FMN1: variants seen among roughly 807,000 people sequenced by gnomAD.
FMN1 encodes formin 1.
Under a neutral mutation model 132.4 loss-of-function variants are expected in FMN1, and 110 were observed. That is an observed-to-expected ratio of 0.83 (90% confidence interval 0.71 to 0.97). The LOEUF (loss-of-function observed/expected upper bound fraction) is 0.97. Ranked by LOEUF, FMN1 falls within the 50% of genes least tolerant of loss-of-function variation. The probability of loss-of-function intolerance (pLI) is 0.00; values close to 1 mark genes in which losing one functional copy is unlikely to be tolerated. For missense variants in FMN1, 1,792 were observed against 1,705.3 expected (o/e 1.05, Z -0.90); for synonymous variants, 722 against 651.7 (o/e 1.11, Z -1.64).
At chr15:33,160,937 C>T (rs948704043) in intron 3 of FMN1, among the ~76,000 whole-genome samples, 3 of 152,206 alleles carry the variant, frequency 2.0e-5, no homozygotes, top group African/African-American at 4.8e-5. Context: ...CTGCCTCATC[C>T]TAATGAGAAA....
At chr15:33,014,512 TA>T (rs1361225370) in intron 6 of FMN1, among the ~76,000 whole-genome samples, 4 of 152,180 alleles carry the variant, frequency 2.6e-5, no homozygotes, top group African/African-American at 9.7e-5. Flanking sequence ...TGGAAGTTAA[TA>T]AATCAATTTA....
At chr15:33,118,841 G>A (rs114256752) in intron 4 of FMN1, among the ~76,000 whole-genome samples, 132 of 149,968 alleles carry the variant, frequency 8.8e-4, no homozygotes, top group African/African-American at 3.2e-3. Context: ...ACAATTTCTA[G>A]TCACATTCAT....
At chr15:33,015,284 T>G (rs139454786) in intron 6 of FMN1, among the ~76,000 whole-genome samples, 88 of 152,262 alleles carry the variant, frequency 5.8e-4, no homozygotes, top group African/African-American at 2.1e-3. Context: ...TGGGGTAACT[T>G]TTTTCATAAT....
At chr15:32,975,778 T>G (rs918917992) in intron 7 of FMN1, among the ~76,000 whole-genome samples, 1 of 152,184 alleles carries the variant, frequency 6.6e-6, no homozygotes, top group Non-Finnish European at 1.5e-5. Context: ...CCGGTAGAAA[T>G]GAACCACATT....
At chr15:32,792,232 G>A (rs1348641007) in intron 19 of FMN1, among the ~76,000 whole-genome samples, 8 of 143,430 alleles carry the variant, frequency 5.6e-5, no homozygotes, top group African/African-American at 1.8e-4. Flanking sequence ...GAGGTCAGGA[G>A]ATTGAGACCA....
chr15:32,908,763 T>G (rs559210251), intron 11 of FMN1, among the ~76,000 whole-genome samples, 185 bp from the exon 12 acceptor site: 14 of 151,532 alleles, frequency 9.2e-5, no homozygotes, highest in South Asian at 2.1e-4. Context: ...ACTTGGGGTG[T>G]GGGTGGGGGT....
At chr15:32,854,202 T>C (rs1196432980) in intron 17 of FMN1, among the ~76,000 whole-genome samples, 3 of 152,240 alleles carry the variant, frequency 2.0e-5, no homozygotes. Flanking sequence ...ACATGTTTTT[T>C]CTGCTGAGTT....
intron 17 of FMN1, among the ~76,000 whole-genome samples, chr15:32,828,459 T>C (rs1434136491): frequency 6.6e-6 from 1 of 152,138 alleles, no homozygotes; most frequent in Non-Finnish European, 1.5e-5. Context: ...TCCAAATTAA[T>C]GGAGCTAATT....
chr15:32,957,192 C>T (rs553259106), intron 9 of FMN1, among the ~76,000 whole-genome samples: 3 of 151,152 alleles, frequency 2.0e-5, no homozygotes, highest in Non-Finnish European at 4.4e-5. Flanking sequence ...ATAATTTAGT[C>T]AGATCATGGC....
chr15:33,127,417 C>G (rs1291123179), intron 4 of FMN1, among the ~76,000 whole-genome samples: 1 of 152,204 alleles, frequency 6.6e-6, no homozygotes, highest in East Asian at 1.9e-4. Context: ...ACCAGAACAA[C>G]TATTTCCTTG....
chr15:32,788,099 A>G (rs2140926762), intron 19 of FMN1, among the ~76,000 whole-genome samples: 1 of 152,334 alleles, frequency 6.6e-6, no homozygotes, highest in Middle Eastern at 3.4e-3. Context: ...ATTGCAGAAC[A>G]AAGTCCTCTT....
chr15:32,992,216 C>A (rs547083453), intron 7 of FMN1, among the ~76,000 whole-genome samples: 1 of 152,266 alleles, frequency 6.6e-6, no homozygotes, highest in Non-Finnish European at 1.5e-5. Flanking sequence ...AGTTTCAAGA[C>A]TGAGCCACTT....
intron 9 of FMN1, among the ~76,000 whole-genome samples, chr15:32,961,332 C>T (rs191597029): frequency 2.9e-4 from 44 of 151,988 alleles, no homozygotes; most frequent in South Asian, 4.2e-4. Context: ...CGGGGTTTCC[C>T]GAAATTGGCC....
intron 6 of FMN1, among the ~76,000 whole-genome samples, chr15:33,040,443 A>G (rs2036379252): frequency 6.6e-6 from 1 of 152,238 alleles, no homozygotes; most frequent in African/African-American, 2.4e-5. Flanking sequence ...AAAACCATTA[A>G]GTGCTTGATT....
intron 15 of FMN1, among the ~76,000 whole-genome samples, chr15:32,898,022 ATAGT>A (rs916636248): frequency 7.2e-5 from 11 of 152,178 alleles, no homozygotes; most frequent in African/African-American, 1.2e-4. Flanking sequence ...TATATTGAAA[ATAGT>A]TAGATAAGCC....
At chr15:32,852,803 C>G (rs780192039) in intron 17 of FMN1, among the ~76,000 whole-genome samples, 4 of 152,192 alleles carry the variant, frequency 2.6e-5, no homozygotes, top group Non-Finnish European at 5.9e-5. Flanking sequence ...TCATGTCACT[C>G]CTGTACACAT....
chr15:33,105,587 A>G (rs1053182756), intron 4 of FMN1, among the ~76,000 whole-genome samples: 15 of 152,146 alleles, frequency 9.9e-5, no homozygotes, highest in Admixed American at 5.9e-4. Flanking sequence ...TTTACAGACT[A>G]TATGGCTTTG....
At chr15:32,941,413 G>T (rs12916094) in intron 9 of FMN1, among the ~76,000 whole-genome samples, 42,945 of 152,078 alleles carry the variant, frequency 0.28, 7,896 homozygotes, top group African/African-American at 0.53. Context: ...GTCCACGTAT[G>T]TAAGTATAGA....
At position 32,873,165 on chromosome 15, in the gene FMN1, C is replaced by T. The variant is rs540426946; in HGVS notation, c.3835+15007G>A. Among the ~76,000 whole-genome samples the T allele has an allele frequency of 1.3e-5, 2 of 152,278 alleles. 1 individual carries two copies. Among genetic ancestry groups the T allele is most frequent in the African/African-American group, 4.8e-5 (2 of 41,552 alleles). On this transcript the variant is annotated intron_variant, in intron 16 of 20. Coordinates refer to ENST00000616417, the MANE Select transcript of FMN1 (RefSeq NM_001277313.2). ...ACAGTCCTATGTGTCTCACTTAATG[C>T]CTGTTAAGCAATCGTCTTTTAAAAC...
Sources: gnomAD v4.1 joint callset for allele counts (sites outside exome capture counted in the v4.1 genomes callset) on GRCh38, gnomAD v4.1.1 for gene constraint, MANE v1.5 for transcripts, NCBI Gene and HGNC (gene_info 2026-07-23, HGNC 2026-07-21) for gene names.